The following CFAP299 variants were observed in gnomAD, a reference collection of about 807,000 sequenced individuals.
The protein encoded by CFAP299 is cilia- and flagella-associated protein 299.
In CFAP299, 21 loss-of-function variants were observed where a neutral mutation model predicts 27.0. The observed-to-expected ratio is 0.78, with a 90% CI of 0.55 to 1.12. The LOEUF (loss-of-function observed/expected upper bound fraction) is 1.12. Ranked by LOEUF, CFAP299 falls within the 50% of genes most tolerant of loss-of-function variation. CFAP299 has a pLI of 0.00. For missense variants in CFAP299, 310 were observed against 276.6 expected (o/e 1.12, Z -0.86); for synonymous variants, 104 against 98.1 (o/e 1.06, Z -0.36).
At chr4:80,719,599 A>G (rs997401581) in intron 3 of CFAP299, among the ~76,000 whole-genome samples, 1 of 152,226 alleles carries the variant, frequency 6.6e-6, no homozygotes, top group African/African-American at 2.4e-5. Context: ...AAAAAGAAAG[A>G]AAGTGCTATA....
chr4:80,807,913 CTGTTT>C (rs1427241394), intron 3 of CFAP299, among the ~76,000 whole-genome samples: 3 of 151,878 alleles, frequency 2.0e-5, no homozygotes, highest in Non-Finnish European at 2.9e-5. Flanking sequence ...ATTGCTTGCA[CTGTTT>C]TATTTCTAAA....
At chr4:80,556,813 C>T (rs112765896) in intron 2 of CFAP299, among the ~76,000 whole-genome samples, 22 of 152,006 alleles carry the variant, frequency 1.4e-4, no homozygotes, top group African/African-American at 4.6e-4. Flanking sequence ...CATATTTTCC[C>T]AATCAATAAG....
At chr4:80,832,615 T>A (rs1027624436) in intron 3 of CFAP299, among the ~76,000 whole-genome samples, 1 of 152,142 alleles carries the variant, frequency 6.6e-6, no homozygotes, top group Non-Finnish European at 1.5e-5. Flanking sequence ...ATGTAAATAT[T>A]TAAGGTTGGT....
At chr4:80,517,647 G>A (rs189559913) in intron 2 of CFAP299, among the ~76,000 whole-genome samples, 231 of 152,320 alleles carry the variant, frequency 1.5e-3, no homozygotes, top group Non-Finnish European at 2.6e-3. Flanking sequence ...GATTTCACTA[G>A]TGGGACCTAG....
At chr4:80,588,248 G>A (rs1172939437) in intron 3 of CFAP299, among the ~76,000 whole-genome samples, 1 of 150,964 alleles carries the variant, frequency 6.6e-6, no homozygotes, top group Non-Finnish European at 1.5e-5. Context: ...TTCAAGGAGG[G>A]TACAGGTGGG....
chr4:80,378,270 T>C (rs747428749), intron 2 of CFAP299, among the ~76,000 whole-genome samples: 19 of 152,344 alleles, frequency 1.2e-4, no homozygotes, highest in East Asian at 9.6e-4. Flanking sequence ...GATTTTTCTC[T>C]GTTAACCTTT....
chr4:80,889,975 C>T (rs1165387732), intron 4 of CFAP299, among the ~76,000 whole-genome samples: 1 of 152,092 alleles, frequency 6.6e-6, no homozygotes, highest in African/African-American at 2.4e-5. Context: ...GAACATACCT[C>T]AATGTAATAA....
Position 80,407,110 on chromosome 4 carries a change from A to G in CFAP299, c.242+44226A>G, listed in dbSNP as rs573610944. Among the ~76,000 whole-genome samples the G allele has an allele frequency of 4.6e-5, 7 of 152,332 alleles. No individual in the cohort carries two copies. The East Asian group carries it at 7.7e-4, about 17-fold the overall frequency. On this transcript the variant is annotated intron_variant, in intron 2 of 5. Transcript: ENST00000358105. ...ACTGGTGTTATCACTGAGATGGAAT[A>G]AAACAAAATAAATAAACATTGTCAA...
At chr4:80,799,756 TATATAAA>T (rs1728222582) in intron 3 of CFAP299, among the ~76,000 whole-genome samples, 1 of 50,614 alleles carries the variant, frequency 2.0e-5, no homozygotes, top group Non-Finnish European at 3.3e-5. Context: ...AAATATATAA[TATATAAA>T]TATATTATAT....
rs577302104 is a variant in CFAP299, at chr4:80,876,880, C to T, written c.476+6745C>T. Among the ~76,000 whole-genome samples, 28 of 152,230 alleles carry T rather than the reference C, an allele frequency of 1.8e-4. No individual in the cohort carries two copies. In the South Asian group the frequency reaches 5.6e-3, roughly 30 times the overall value. ...TAGGAATATTTTTCAGAACTTTAAGCAATCCTGCTGTCCACAGTTAAGACT... is the reference window on the plus strand; with the variant it reads ...TAGGAATATTTTTCAGAACTTTAAGTAATCCTGCTGTCCACAGTTAAGACT... On this transcript the variant is annotated intron_variant, in intron 4 of 5. Coordinates refer to ENST00000358105, the MANE Select transcript of CFAP299 (RefSeq NM_152770.3).
At chr4:80,543,723 T>G (rs1486089017) in intron 2 of CFAP299, among the ~76,000 whole-genome samples, 1 of 152,236 alleles carries the variant, frequency 6.6e-6, no homozygotes, top group African/African-American at 2.4e-5. Context: ...CGTTCTGCAT[T>G]CCTGCAAGAG....
rs894856733 is a variant in CFAP299 at position 80,963,450 on chromosome 4, A to AG, written c.607-67_607-66insG. ...CTGCAATATAAAGCAAAAAAATAAA[A>AG]AAAAAATTTTAAAAAAGGCCAAGTA... On this transcript the variant is annotated intron_variant, in intron 5 of 5. Transcript: ENST00000358105. 7.4e-5 allele frequency: 71 copies of AG among 960,166 alleles called. 1 individual carries two copies. The African/African-American group carries it at 2.2e-3, about 29-fold the overall frequency. 59.5% of individuals were successfully genotyped at this position (960,166 alleles called of 1,614,324 possible).
At chr4:80,765,625 T>G (rs1440860159) in intron 3 of CFAP299, among the ~76,000 whole-genome samples, 1 of 151,972 alleles carries the variant, frequency 6.6e-6, no homozygotes, top group East Asian at 1.9e-4. Flanking sequence ...TTTTATTTTT[T>G]TATTATACTT....
At chr4:80,436,297 C>CA (rs1728071451) in intron 2 of CFAP299, among the ~76,000 whole-genome samples, 2 of 136,430 alleles carry the variant, frequency 1.5e-5, no homozygotes, top group Non-Finnish European at 3.2e-5. Flanking sequence ...TGTGGGATAT[C>CA]TTTTTTTTTT....
chr4:80,549,630 G>A (rs1734405006), intron 2 of CFAP299, among the ~76,000 whole-genome samples: 1 of 152,118 alleles, frequency 6.6e-6, no homozygotes, highest in Non-Finnish European at 1.5e-5. Context: ...CTGTGGACAC[G>A]TTTTTGATGA....
At chr4:80,957,400 T>C (rs1738125306) in intron 5 of CFAP299, among the ~76,000 whole-genome samples, 1 of 152,150 alleles carries the variant, frequency 6.6e-6, no homozygotes, top group South Asian at 2.1e-4. Flanking sequence ...TTATACATTA[T>C]TAAGAAACAA....
At chr4:80,458,597 C>CAA (rs1358071067) in intron 2 of CFAP299, among the ~76,000 whole-genome samples, 1 of 151,924 alleles carries the variant, frequency 6.6e-6, no homozygotes, top group Non-Finnish European at 1.5e-5. Flanking sequence ...TAAATATAGC[C>CAA]AATTTATTTA....
chr4:80,701,011 C>T (rs1721440824), intron 3 of CFAP299, among the ~76,000 whole-genome samples: 1 of 151,998 alleles, frequency 6.6e-6, no homozygotes, highest in African/African-American at 2.4e-5. Flanking sequence ...GAAGAGAAAG[C>T]ATGAGGTGTA....
intron 3 of CFAP299, among the ~76,000 whole-genome samples, chr4:80,799,821 T>TCATATAATATA (rs1728250534): frequency 8.9e-5 from 2 of 22,544 alleles, no homozygotes; most frequent in African/African-American, 1.2e-3. Flanking sequence ...ATATATATAT[T>TCATATAATATA]ATATATATTT....
Sources: gnomAD v4.1 joint callset for allele counts (sites outside exome capture counted in the v4.1 genomes callset) on GRCh38, gnomAD v4.1.1 for gene constraint, MANE v1.5 for transcripts, NCBI Gene and HGNC (gene_info 2026-07-23, HGNC 2026-07-21) for gene names.